LCMT1: variants seen among roughly 807,000 people sequenced by gnomAD.
The protein encoded by LCMT1 is [Phosphatase 2A protein]-leucine-carboxy methyltransferase 1.
A neutral mutation model predicts 47.7 loss-of-function variants in LCMT1; 32 were observed. That is an observed-to-expected ratio of 0.67 (90% CI 0.51 to 0.90). The LOEUF is 0.90. LCMT1 is among the 40% of genes least tolerant of loss of function. The pLI, the probability that LCMT1 is intolerant of heterozygous loss-of-function variation, is 0.00. For synonymous variants in LCMT1, 152 were observed against 149.7 expected (o/e 1.02, Z -0.11); for missense variants, 375 against 415.2 (o/e 0.90, Z 0.84).
intron 5 of LCMT1, among the ~76,000 whole-genome samples, chr16:25,152,299 G>A (rs1961106661): frequency 6.6e-6 from 1 of 152,172 alleles, no homozygotes. Flanking sequence ...ACGCCTACAG[G>A]CAGTTAGTGA....
intron 1 of LCMT1, among the ~76,000 whole-genome samples, chr16:25,126,790 G>A (rs1263166114): frequency 6.6e-6 from 1 of 152,182 alleles, no homozygotes; most frequent in African/African-American, 2.4e-5. Flanking sequence ...CCTTCCTTGG[G>A]GAACTAGTAG....
chr16:25,151,506 T>A (rs773182338), intron 4 of LCMT1, 48 bp from the exon 5 acceptor site: 1 of 1,463,484 alleles, frequency 6.8e-7, no homozygotes, highest in African/African-American at 1.4e-5. Context: ...ATGAGTAAAT[T>A]GAGGAGCAAA....
At chr16:25,118,226 C>A (rs2141624868) in intron 1 of LCMT1, among the ~76,000 whole-genome samples, 1 of 152,220 alleles carries the variant, frequency 6.6e-6, no homozygotes, top group Non-Finnish European at 1.5e-5. Context: ...GCTCTGTGTA[C>A]TTCCCCAGCC....
chr16:25,132,560 T>G, intron 3 of LCMT1, 37 bp downstream of exon 3: 1 of 1,599,810 alleles, frequency 6.3e-7, no homozygotes, highest in South Asian at 1.1e-5. Flanking sequence ...CCCAAGTGTT[T>G]AGATTTTTTT....
chr16:25,173,001 A>G (rs1961819197), intron 9 of LCMT1, among the ~76,000 whole-genome samples: 1 of 152,210 alleles, frequency 6.6e-6, no homozygotes, highest in African/African-American at 2.4e-5. Context: ...TGTAACCCTC[A>G]CGGGGGAGGC....
chr16:25,132,470 TG>T lies in LCMT1; in HGVS notation c.275del (p.Cys92PhefsTer17). On this transcript the variant is annotated frameshift_variant, in exon 3 of 11. Coordinates refer to ENST00000399069, the MANE Select transcript of LCMT1 (RefSeq NM_016309.3). LOFTEE classifies it high-confidence loss of function. ...ATTTCTACGGAAGACAGAATGTCATTGTCAAATTGTCAACCTTGGGGCAGGC... is the reference window on the plus strand; with the variant it reads ...ATTTCTACGGAAGACAGAATGTCATTTCAAATTGTCAACCTTGGGGCAGGC... Reference protein sequence around the residue: ...KAFLRKTECHCQIVNLGAGMD... With the variant: ...KAFLRKTECHXQIVNLGAGMD... 6.2e-7 allele frequency: 1 copy of T among 1,613,928 alleles called. No individual in the cohort carries two copies. Among genetic ancestry groups the T allele is most frequent in the Non-Finnish European group, 8.5e-7 (1 of 1,179,832 alleles).
intron 3 of LCMT1, among the ~76,000 whole-genome samples, chr16:25,139,001 G>A (rs1247410289): frequency 6.6e-6 from 1 of 151,890 alleles, no homozygotes; most frequent in South Asian, 2.1e-4. Flanking sequence ...GTGCAGCAGC[G>A]CGATCTCAGC....
At chr16:25,174,860 C>G (rs1444237119) in intron 9 of LCMT1, 77 bp from the exon 10 acceptor site, 1 of 637,842 alleles carries the variant, frequency 1.6e-6, no homozygotes, top group African/African-American at 1.9e-5. Context: ...AACATTTTTT[C>G]ATATCCGTAG....
chr16:25,128,491 G>C lies in LCMT1; in HGVS notation c.130G>C (p.Gly44Arg). 6.2e-7 allele frequency: 1 copy of C among 1,609,776 alleles called. No individual in the cohort carries two copies. The highest frequency in any genetic ancestry group is 8.5e-7 in the Non-Finnish European group (1 of 1,178,102). Residue 44 changes from glycine to arginine, a missense_variant, in exon 2 of 11, where the codon GGC becomes CGC. Transcript: ENST00000399069. ...CCCTTCCAGGTTTGCAGTAAGCATTGGCTACTGGCATGACCCTTACATACA... is the reference window on the plus strand; with the variant it reads ...CCCTTCCAGGTTTGCAGTAAGCATTCGCTACTGGCATGACCCTTACATACA... ...SLCKRFAVSI[G>R]YWHDPYIQHF... is the part of the protein sequence containing the mutation.
chr16:25,140,466 C>A, intron 4 of LCMT1: 1 of 521,076 alleles, frequency 1.9e-6, no homozygotes, highest in Non-Finnish European at 3.4e-6. Flanking sequence ...GGCTCTATGG[C>A]TCCCCATGTA....
intron 1 of LCMT1, among the ~76,000 whole-genome samples, chr16:25,122,827 C>CT (rs994775380): frequency 1.3e-5 from 2 of 149,040 alleles, no homozygotes; most frequent in Non-Finnish European, 3.0e-5. Context: ...ATCTTTTTTT[C>CT]TTTTTTTGAG....
intron 4 of LCMT1, chr16:25,145,838 T>TATTC (rs1960832805): frequency 6.6e-6 from 1 of 152,228 alleles, no homozygotes; most frequent in South Asian, 2.1e-4. Flanking sequence ...GGAACTTTAT[T>TATTC]AGCCTGTCCT....
At chr16:25,151,653 A>G (rs2141682378) in intron 5 of LCMT1, 38 bp downstream of exon 5, 1 of 1,558,080 alleles carries the variant, frequency 6.4e-7, no homozygotes, top group Non-Finnish European at 8.8e-7. Flanking sequence ...CTGTATCAGT[A>G]TTTTTGCTTC....
At position 25,117,890 on chromosome 16, in the gene LCMT1, C is replaced by A. The variant is rs572062745; in HGVS notation, c.113+5894C>A. ...AAAATTTGACATCATCTTGGAACTG[C>A]CCCTTTATTTTCCCTCTTGTGCAGT... On this transcript the variant is annotated intron_variant, in intron 1 of 10. Coordinates refer to ENST00000399069, the MANE Select transcript of LCMT1 (RefSeq NM_016309.3). 3.3e-5 allele frequency among the ~76,000 whole-genome samples: 5 copies of A among 151,934 alleles called. No homozygotes were observed. The East Asian group carries it at 9.7e-4, about 29-fold the overall frequency.
chr16:25,160,255 T>A (rs1397136166), intron 5 of LCMT1, among the ~76,000 whole-genome samples: 6 of 152,268 alleles, frequency 3.9e-5, no homozygotes, highest in Admixed American at 3.9e-4. Flanking sequence ...CCAATAGAAA[T>A]GTAAATTTCT....
At chr16:25,138,383 C>T (rs991339637) in intron 3 of LCMT1, among the ~76,000 whole-genome samples, 7 of 151,902 alleles carry the variant, frequency 4.6e-5, no homozygotes, top group African/African-American at 1.7e-4. Flanking sequence ...ATCAGCAGGG[C>T]TGAAGTACTG....
At chr16:25,122,476 GT>G (rs368738031) in intron 1 of LCMT1, among the ~76,000 whole-genome samples, 6,059 of 151,992 alleles carry the variant, frequency 0.04, 433 homozygotes, top group African/African-American at 0.14. Context: ...GCCCGGCTGT[GT>G]TTTTTTAATT....
intron 4 of LCMT1, 113 bp from the exon 5 acceptor site, chr16:25,151,441 A>T: frequency 1.1e-6 from 1 of 871,112 alleles, no homozygotes; most frequent in Non-Finnish European, 1.8e-6. Context: ...ACAATAGCAA[A>T]TATATATTTG....
intron 1 of LCMT1, among the ~76,000 whole-genome samples, chr16:25,122,658 T>C (rs1427166243): frequency 1.3e-5 from 2 of 151,914 alleles, no homozygotes; most frequent in African/African-American, 4.8e-5. Flanking sequence ...CTGTTTGTCA[T>C]GTCTTGTTTG....
Sources: gnomAD v4.1 joint callset for allele counts (sites outside exome capture counted in the v4.1 genomes callset) on GRCh38, gnomAD v4.1.1 for gene constraint, MANE v1.5 for transcripts, NCBI Gene and HGNC (gene_info 2026-07-23, HGNC 2026-07-21) for gene names.